Variants in POTEC observed in about 807,000 individuals in gnomAD.
POTEC encodes the protein POTE ankyrin domain family member C.
POTEC carries 35 observed loss-of-function variants against 62.0 expected under a neutral mutation model. The ratio of observed to expected loss-of-function variants is 0.56; its 90% confidence interval spans 0.43 to 0.75. POTEC has a LOEUF of 0.75. Ranked by LOEUF, POTEC falls within the 30% of genes least tolerant of loss-of-function variation. The pLI, the probability that POTEC is intolerant of heterozygous loss-of-function variation, is 0.00. For missense variants in POTEC, 472 were observed against 655.9 expected (o/e 0.72, Z 3.06); for synonymous variants, 156 against 221.5 (o/e 0.70, Z 2.62).
intron 9 of POTEC, among the ~76,000 whole-genome samples, chr18:14,519,507 A>G (rs993024890): frequency 6.6e-6 from 1 of 152,142 alleles, no homozygotes; most frequent in African/African-American, 2.4e-5. Flanking sequence ...ACCTGAGGTC[A>G]GGAGTTTGAA....
chr18:14,513,448 A>G (rs1910061152), intron 10 of POTEC, among the ~76,000 whole-genome samples: 1 of 152,116 alleles, frequency 6.6e-6, no homozygotes. Flanking sequence ...TTGCAGGCAA[A>G]TGCAGTTGAA....
chr18:14,531,775 G>A (rs1598480499), intron 5 of POTEC: 1 of 152,004 alleles, frequency 6.6e-6, no homozygotes, highest in East Asian at 2.0e-4. Context: ...TGCCGCCAAA[G>A]CAGGCACAAA....
chr18:14,536,384 C>T (rs866404384), intron 3 of POTEC, among the ~76,000 whole-genome samples: 4 of 151,288 alleles, frequency 2.6e-5, no homozygotes, highest in African/African-American at 9.7e-5. Flanking sequence ...GGAGTGTATC[C>T]GGATTTTGAG....
At chr18:14,513,916 C>G in intron 9 of POTEC, 131 bp from the exon 10 acceptor site, 1 of 1,524,908 alleles carries the variant, frequency 6.6e-7, no homozygotes, top group Non-Finnish European at 8.8e-7. Flanking sequence ...ACAAAGGGGT[C>G]TCACATCTGT....
intron 9 of POTEC, among the ~76,000 whole-genome samples, chr18:14,521,658 C>T (rs772191265): frequency 9.2e-5 from 14 of 152,076 alleles, no homozygotes; most frequent in Non-Finnish European, 1.6e-4. Context: ...TATTTACCAA[C>T]AGTGTATGAA....
At position 14,508,145 on chromosome 18, in the gene POTEC, A is replaced by G. The variant is rs1179652865; in HGVS notation, c.*3753T>C. Reference sequence around the variant, plus strand: ...GGTTGGGGACATTCTCATGAATGATATTCTGAAATGTGTTTTCCAAGTTGG... The same window carrying G: ...GGTTGGGGACATTCTCATGAATGATGTTCTGAAATGTGTTTTCCAAGTTGG... On this transcript the variant is annotated 3_prime_UTR_variant, in exon 11 of 11. Coordinates refer to ENST00000358970, the MANE Select transcript of POTEC (RefSeq NM_001137671.2). 6.6e-6 allele frequency: 1 copy of G among 152,184 alleles called. No individual in the cohort carries two copies. Among genetic ancestry groups the G allele is most frequent in the Non-Finnish European group, 1.5e-5 (1 of 68,040 alleles). The allele number at this position is 152,184 out of a possible 1,614,324, so 9.4% of individuals were successfully genotyped here. A position where few individuals can be genotyped will look rare whatever the true frequency, so the allele number is the denominator to read the frequency against.
intron 9 of POTEC, among the ~76,000 whole-genome samples, chr18:14,517,819 C>T (rs191176007): frequency 4.9e-4 from 75 of 152,254 alleles, no homozygotes; most frequent in African/African-American, 1.7e-3. Flanking sequence ...TGAGATCATA[C>T]CACTGAACTC....
At chr18:14,539,265 G>T (rs1204493383) in intron 1 of POTEC, among the ~76,000 whole-genome samples, 8 of 151,888 alleles carry the variant, frequency 5.3e-5, no homozygotes, top group African/African-American at 1.9e-4. Context: ...ACTATTTGTG[G>T]AGCTTTTTTC....
rs1021786204 is a variant in POTEC, at chr18:14,507,998, TTTTTC to T, written c.*3895_*3899del. 2 of 152,216 alleles carry T rather than the reference TTTTTC, an allele frequency of 1.3e-5. No homozygotes were observed. The highest frequency in any genetic ancestry group is 6.5e-5 in the Admixed American group (1 of 15,284). The allele number at this position is 152,216 out of a possible 1,614,324, so 9.4% of individuals were successfully genotyped here. A position where few individuals can be genotyped will look rare whatever the true frequency, so the allele number is the denominator to read the frequency against. On this transcript the variant is annotated 3_prime_UTR_variant, in exon 11 of 11. Coordinates refer to ENST00000358970, the MANE Select transcript of POTEC (RefSeq NM_001137671.2). ...CTTTCTCCCTAGCTGCCTTTAACATTTTTTCTTTTATTTTGACCTCAGAGAATCTG... is the reference window on the plus strand; with the variant it reads ...CTTTCTCCCTAGCTGCCTTTAACATTTTTTATTTTGACCTCAGAGAATCTG...
chr18:14,543,001 T>C lies in POTEC; in HGVS notation c.146A>G (p.His49Arg), dbSNP rs759511930. The change falls in exon 1 of 11, where the codon CAC (histidine) becomes CGC (arginine). Residue 49 changes from histidine (H) to arginine (R), a missense_variant. Around this residue, in one of 5 missense-constraint regions of POTEC, gnomAD observed 257 missense variants for 250.7 expected, o/e 1.03. Coordinates refer to ENST00000358970, the MANE Select transcript of POTEC (RefSeq NM_001137671.2). Reference sequence around the variant, plus strand: ...GAGCATCTTCATAAAGGAGTCGTCGTGGTCTCCAGAAGTGCCCATGTTGCT... The same window carrying C: ...GAGCATCTTCATAAAGGAGTCGTCGCGGTCTCCAGAAGTGCCCATGTTGCT... Reference protein sequence around the residue: ...GKSNMGTSGDHDDSFMKMLRS... With the variant: ...GKSNMGTSGDRDDSFMKMLRS... 5.6e-6 allele frequency: 9 copies of C among 1,613,630 alleles called. No individual in the cohort carries two copies. The highest frequency in any genetic ancestry group is 7.6e-6 in the Non-Finnish European group (9 of 1,179,850).
In POTEC at chr18:14,508,661, A is replaced by G. The variant is rs945727062; in HGVS notation, c.*3237T>C. The G allele has an allele frequency of 4.6e-5, 7 of 152,726 alleles. No individual in the cohort carries two copies. Among genetic ancestry groups the G allele is most frequent in the African/African-American group, 1.7e-4 (7 of 41,564 alleles). 9.5% of individuals were successfully genotyped at this position (152,726 alleles called of 1,614,324 possible). ...TTTAGCTTCCTTGTATTGGATTACA[A>G]CATACTTCTTTCACTCAATGAACTT... On this transcript the variant is annotated 3_prime_UTR_variant, in exon 11 of 11. Transcript: ENST00000358970.
intron 6 of POTEC, among the ~76,000 whole-genome samples, chr18:14,526,589 A>C (rs1488584087): frequency 7.9e-5 from 12 of 152,096 alleles, no homozygotes; most frequent in Non-Finnish European, 1.8e-4. Context: ...GAGGGCAAGA[A>C]AGGGTGACAG....
intron 9 of POTEC, among the ~76,000 whole-genome samples, chr18:14,514,412 G>A (rs550981496): frequency 3.0e-4 from 45 of 152,196 alleles, no homozygotes; most frequent in African/African-American, 9.9e-4. Flanking sequence ...AACAGGCCAG[G>A]GACTGGTACT....
intron 9 of POTEC, among the ~76,000 whole-genome samples, chr18:14,514,796 A>G (rs1598476256): frequency 1.3e-5 from 2 of 152,202 alleles, no homozygotes; most frequent in Non-Finnish European, 2.9e-5. Flanking sequence ...TCTTATGCCT[A>G]GAAAACTCTA....
intron 4 of POTEC, among the ~76,000 whole-genome samples, chr18:14,534,534 A>C (rs1905642019): frequency 6.6e-6 from 1 of 152,002 alleles, no homozygotes; most frequent in East Asian, 1.9e-4. Context: ...AAAACATATA[A>C]GATACAGAGG....
chr18:14,526,992 A>T (rs995572212), intron 6 of POTEC, among the ~76,000 whole-genome samples: 1 of 152,174 alleles, frequency 6.6e-6, no homozygotes, highest in East Asian at 1.9e-4. Flanking sequence ...TCAATTCTAT[A>T]ATAAGTCATA....
At chr18:14,525,434 A>G (rs1477100203) in intron 6 of POTEC, among the ~76,000 whole-genome samples, 5 of 152,206 alleles carry the variant, frequency 3.3e-5, no homozygotes, top group African/African-American at 1.2e-4. Context: ...CAGAGCCCAC[A>G]GGTATGGGCT....
chr18:14,540,564 C>T lies in POTEC; in HGVS notation c.521+2062G>A, dbSNP rs1263097440. ...CGACATATCTCTGTATCTACTGACACCCTCAATGGTTACATATTATTCCAT... is the reference window on the plus strand; with the variant it reads ...CGACATATCTCTGTATCTACTGACATCCTCAATGGTTACATATTATTCCAT... On this transcript the variant is annotated intron_variant, in intron 1 of 10. Transcript: ENST00000358970. 3.9e-5 allele frequency among the ~76,000 whole-genome samples: 6 copies of T among 152,210 alleles called. No individual in the cohort carries two copies. In the East Asian group the frequency reaches 1.2e-3, roughly 29 times the overall value.
intron 5 of POTEC, among the ~76,000 whole-genome samples, chr18:14,532,504 A>C (rs1400183030): frequency 6.6e-6 from 1 of 152,132 alleles, no homozygotes; most frequent in Non-Finnish European, 1.5e-5. Flanking sequence ...AAAGGTCAAC[A>C]ATTACCAGGC....
Sources: gnomAD v4.1 joint callset for allele counts (sites outside exome capture counted in the v4.1 genomes callset) on GRCh38, gnomAD v4.1.1 for gene constraint, gnomAD v4.1.1 regional missense constraint, MANE v1.5 for transcripts, NCBI Gene and HGNC (gene_info 2026-07-23, HGNC 2026-07-21) for gene names.